NUP210L: variants seen among roughly 807,000 people sequenced by gnomAD.
NUP210L encodes the protein nucleoporin 210 like.
A neutral mutation model predicts 208.5 loss-of-function variants in NUP210L; 74 were observed. That is an observed-to-expected ratio of 0.35 (90% CI 0.29 to 0.43). NUP210L has a LOEUF of 0.43. Ranked by LOEUF, NUP210L falls within the 20% of genes least tolerant of loss-of-function variation. The pLI is 1.00. For synonymous variants in NUP210L, 780 were observed against 816.9 expected, an observed-to-expected ratio of 0.95 and a Z score of 0.77; for missense variants, 1,843 against 2,289.4, an observed-to-expected ratio of 0.81 and a Z score of 3.98.
Position 154,129,399 on chromosome 1 carries a change from G to T in NUP210L, c.1010-54C>A. On this transcript the variant is annotated intron_variant, in intron 7 of 39. Coordinates refer to ENST00000368559, the Ensembl canonical transcript of NUP210L. ...AGCCAGAGTTGGGTGAAAAGGTGAG[G>T]TACCAAAGGAGAAAAACAAACAAAC... 4 of 1,033,930 alleles carry T rather than the reference G, an allele frequency of 3.9e-6. No individual in the cohort carries two copies. In the Admixed American group the frequency reaches 6.3e-5, roughly 16 times the overall value. 64.0% of individuals were successfully genotyped at this position (1,033,930 alleles called of 1,614,324 possible). A position where few individuals can be genotyped will look rare whatever the true frequency, so the allele number is the denominator to read the frequency against.
chr1:154,041,215 T>C (rs1033874059), intron 27 of NUP210L, among the ~76,000 whole-genome samples: 1 of 152,104 alleles, frequency 6.6e-6, no homozygotes, highest in Admixed American at 6.6e-5. Context: ...TCCTCTCACC[T>C]CAGCCTCCCA....
At chr1:154,067,891 ATG>A (rs1211309842) in intron 17 of NUP210L, among the ~76,000 whole-genome samples, 1 of 152,308 alleles carries the variant, frequency 6.6e-6, no homozygotes, top group East Asian at 1.9e-4. Context: ...CTTACAAGGG[ATG>A]TGAAGGACCT....
chr1:154,100,438 G>A (rs1385019130), intron 13 of NUP210L, among the ~76,000 whole-genome samples: 2 of 131,806 alleles, frequency 1.5e-5, no homozygotes, highest in Non-Finnish European at 1.6e-5. Context: ...GCAAGAGTAA[G>A]ACCTTACCTA....
At chr1:154,078,228 G>T (rs1355223576) in intron 16 of NUP210L, among the ~76,000 whole-genome samples, 1 of 151,624 alleles carries the variant, frequency 6.6e-6, no homozygotes, top group East Asian at 1.9e-4. Context: ...GGGGTGGGAG[G>T]ATCCTTTGAG....
At chr1:154,101,037 C>T (rs536254022) in intron 13 of NUP210L, among the ~76,000 whole-genome samples, 7 of 150,518 alleles carry the variant, frequency 4.7e-5, no homozygotes, top group East Asian at 4.0e-4. Flanking sequence ...CCAGGTGTGG[C>T]GGTGCATACC....
At chr1:153,995,091 C>T (rs751939706) in exon 38 of NUP210L, 1 of 1,610,334 alleles carries the variant, frequency 6.2e-7, no homozygotes, top group Admixed American at 1.7e-5. Context: ...AAGATGGAAG[C>T]TGTTGATGCC....
chr1:154,100,808 G>A (rs561073040), intron 13 of NUP210L, among the ~76,000 whole-genome samples: 46 of 150,700 alleles, frequency 3.1e-4, no homozygotes, highest in Admixed American at 5.3e-4. Context: ...ATGAGCCACC[G>A]CACCCAGCCA....
intron 7 of NUP210L, among the ~76,000 whole-genome samples, chr1:154,134,662 C>G (rs1349097067): frequency 8.2e-6 from 1 of 122,302 alleles, no homozygotes; most frequent in East Asian, 2.6e-4. Flanking sequence ...GCGTGAACCC[C>G]GGGGGCGGAG....
intron 13 of NUP210L, 102 bp downstream of exon 13, chr1:154,103,910 G>T (rs1278614762): frequency 7.0e-6 from 6 of 861,912 alleles, no homozygotes; most frequent in Non-Finnish European, 1.1e-5. Flanking sequence ...CTGAATTGTT[G>T]ATTGCTTCCT....
In NUP210L at chr1:154,071,915, C is replaced by T. The variant is rs370082960; in HGVS notation, c.2362-1450G>A. Among the ~76,000 whole-genome samples, 16 of 152,016 alleles carry T rather than the reference C, an allele frequency of 1.1e-4. No individual in the cohort carries two copies. In the East Asian group the frequency reaches 1.4e-3, roughly 13 times the overall value. On this transcript the variant is annotated intron_variant, in intron 16 of 39. Coordinates refer to ENST00000368559, the Ensembl canonical transcript of NUP210L. ...CCTCCCAAAGCGCTGAGATTACGGGCGTGAGCCACCACGTCTGGCCCTAAT... is the reference window on the plus strand; with the variant it reads ...CCTCCCAAAGCGCTGAGATTACGGGTGTGAGCCACCACGTCTGGCCCTAAT...
At chr1:154,099,425 G>A (rs966187459) in intron 14 of NUP210L, among the ~76,000 whole-genome samples, 3 of 152,158 alleles carry the variant, frequency 2.0e-5, no homozygotes, top group Non-Finnish European at 2.9e-5. Context: ...TGCAGCTGGC[G>A]TGATGGCAGC....
At chr1:154,084,193 C>A (rs1429484399) in intron 16 of NUP210L, among the ~76,000 whole-genome samples, 7 of 151,126 alleles carry the variant, frequency 4.6e-5, no homozygotes, top group Non-Finnish European at 8.9e-5. Context: ...GAGCACGTTA[C>A]CATGCTTGGC....
Position 154,143,313 on chromosome 1 carries a change from T to C in NUP210L, c.472+133A>G, listed in dbSNP as rs1018115656. ...TATACTCAGAATTATTATTCATCTA[T>C]GAGCTCCAAATGAGAAAATAGATAT... On this transcript the variant is annotated intron_variant, in intron 3 of 39. Transcript: ENST00000368559. The C allele has an allele frequency of 6.1e-6, 4 of 655,208 alleles. No individual in the cohort carries two copies. In the African/African-American group the frequency reaches 7.3e-5, roughly 12 times the overall value. The allele number at this position is 655,208 out of a possible 1,614,324, so 40.6% of individuals were successfully genotyped here.
At chr1:154,155,038 C>A in exon 1 of NUP210L, 1 of 1,604,430 alleles carries the variant, frequency 6.2e-7, no homozygotes, top group East Asian at 2.3e-5. Context: ...GCCGGACAGC[C>A]AGTCATGGCG....
intron 14 of NUP210L, among the ~76,000 whole-genome samples, chr1:154,099,412 T>C (rs1427120480): frequency 2.6e-5 from 4 of 152,162 alleles, no homozygotes; most frequent in Non-Finnish European, 2.9e-5. Flanking sequence ...TGCATCTCCC[T>C]GCTGCAGCTG....
At chr1:154,055,167 C>CTT (rs558341707) in intron 23 of NUP210L, among the ~76,000 whole-genome samples, 8 of 119,242 alleles carry the variant, frequency 6.7e-5, no homozygotes, top group Admixed American at 3.0e-4. Flanking sequence ...TTCTTTCTTT[C>CTT]TTTCTTTCTT....
intron 10 of NUP210L, among the ~76,000 whole-genome samples, chr1:154,124,235 T>A (rs924088612): frequency 2.2e-5 from 3 of 136,288 alleles, no homozygotes; most frequent in Admixed American, 7.3e-5. Context: ...ACGGGGATGG[T>A]AAAAAAAAAA....
chr1:154,047,325 TA>T (rs1653241784), intron 25 of NUP210L, among the ~76,000 whole-genome samples: 1 of 152,228 alleles, frequency 6.6e-6, no homozygotes, highest in Non-Finnish European at 1.5e-5. Context: ...ATGTAGTTAA[TA>T]TGCATTGTAT....
rs1491145651 is a variant in NUP210L at position 154,034,844 on chromosome 1, T to TC, written c.3697-4791_3697-4790insG. Among the ~76,000 whole-genome samples, 90 of 72,840 alleles carry TC rather than the reference T, an allele frequency of 1.2e-3. No individual in the cohort carries two copies. The East Asian group carries it at 0.017, about 14-fold the overall frequency. The allele number at this position is 72,840 out of a possible 152,430, so 47.8% of individuals were successfully genotyped here. A position where few individuals can be genotyped will look rare whatever the true frequency, so the allele number is the denominator to read the frequency against. ...GTTGTAATGTCTCTCTCTCTCTCTC[T>TC]TTTTTTTTTTTTTTTGAGATGGAAT... is the stretch of plus-strand genomic sequence containing the variant. On this transcript the variant is annotated intron_variant, in intron 27 of 39. Coordinates refer to ENST00000368559, the Ensembl canonical transcript of NUP210L.
Sources: gnomAD v4.1 joint callset for allele counts (sites outside exome capture counted in the v4.1 genomes callset) on GRCh38, gnomAD v4.1.1 for gene constraint, MANE v1.5 for transcripts, NCBI Gene and HGNC (gene_info 2026-07-23, HGNC 2026-07-21) for gene names.